The following CRYAB variants were observed in gnomAD, a reference collection of about 807,000 sequenced individuals.
CRYAB encodes the protein crystallin alpha B, also known as alpha-crystallin B chain.
In CRYAB, 9 loss-of-function variants were observed where a neutral mutation model predicts 12.7. The ratio of observed to expected loss-of-function variants is 0.71; its 90% confidence interval spans 0.43 to 1.24. CRYAB has a LOEUF of 1.24. Among genes scored for constraint, CRYAB ranks in the 50% most tolerant of loss-of-function variants. The pLI is 0.00. For missense variants in CRYAB, 183 were observed against 226.6 expected, an observed-to-expected ratio of 0.81 and a Z score of 1.24; for synonymous variants, 93 against 86.8, an observed-to-expected ratio of 1.07 and a Z score of -0.40.
intron 1 of CRYAB, among the ~76,000 whole-genome samples, chr11:111,919,451 A>G (rs1965652990): frequency 6.6e-6 from 1 of 152,038 alleles, no homozygotes; most frequent in Non-Finnish European, 1.5e-5. Flanking sequence ...CCAGCCTGGC[A>G]ACAGAGCGAG....
chr11:111,909,321 G>C, intron 2 of CRYAB: 1 of 451,560 alleles, frequency 2.2e-6, no homozygotes, highest in Non-Finnish European at 4.4e-6. Context: ...CCCTGAAATT[G>C]TCCTGACTCT....
At chr11:111,913,557 G>T, upstream of CRYAB, 1 of 1,614,196 alleles carries the variant, frequency 6.2e-7, no homozygotes, top group South Asian at 1.1e-5. Flanking sequence ...TAGGCTCAGT[G>T]AGGGCAAGTT....
chr11:111,921,194 A>G (rs1965692775), intron 1 of CRYAB, among the ~76,000 whole-genome samples: 2 of 152,238 alleles, frequency 1.3e-5, no homozygotes, highest in South Asian at 2.1e-4. Flanking sequence ...GGAGTAGTAC[A>G]TTGGATTCAA....
upstream of CRYAB, among the ~76,000 whole-genome samples, chr11:111,914,610 C>T (rs1468169367): frequency 2.0e-5 from 3 of 152,324 alleles, no homozygotes; most frequent in East Asian, 3.9e-4. Context: ...CCTTCCCATC[C>T]TCTGGGGGTA....
upstream of CRYAB, among the ~76,000 whole-genome samples, chr11:111,916,271 C>G (rs1247081019): frequency 6.6e-6 from 1 of 151,400 alleles, no homozygotes; most frequent in African/African-American, 2.4e-5. Flanking sequence ...TCTCTGTCAC[C>G]GAGGCTGGGT....
At chr11:111,915,594 A>C (rs1029796328), upstream of CRYAB, among the ~76,000 whole-genome samples, 29 of 152,244 alleles carry the variant, frequency 1.9e-4, no homozygotes, top group African/African-American at 7.0e-4. Context: ...ATTTAAAGGA[A>C]AGGGTTTCCT....
chr11:111,910,573 TA>T, intron 1 of CRYAB, 124 bp from the exon 2 acceptor site: 1 of 1,241,042 alleles, frequency 8.1e-7, no homozygotes. Flanking sequence ...CTTCTCTGCT[TA>T]AAAAATCTCC....
upstream of CRYAB, among the ~76,000 whole-genome samples, chr11:111,915,278 A>G (rs1466969793): frequency 1.3e-5 from 2 of 152,224 alleles, no homozygotes; most frequent in African/African-American, 2.4e-5. Flanking sequence ...GACCTCCAGG[A>G]TAACAGAACT....
At chr11:111,913,858 C>T, upstream of CRYAB, 1 of 1,612,946 alleles carries the variant, frequency 6.2e-7, no homozygotes, top group South Asian at 1.1e-5. Context: ...CCTCCTGATC[C>T]AGAGGAAGAG....
At chr11:111,921,510 T>A (rs1965698630) in intron 1 of CRYAB, among the ~76,000 whole-genome samples, 1 of 152,136 alleles carries the variant, frequency 6.6e-6, no homozygotes, top group Non-Finnish European at 1.5e-5. Flanking sequence ...GTCTGTAAAA[T>A]GGGAACAAAA....
At chr11:111,913,998 A>G (rs1404403625), upstream of CRYAB, 7 of 1,003,406 alleles carry the variant, frequency 7.0e-6, no homozygotes, top group African/African-American at 1.1e-4. Context: ...GGGAAGGGAA[A>G]GGTGCATGGT....
chr11:111,913,396 C>T, upstream of CRYAB: 3 of 1,471,954 alleles, frequency 2.0e-6, no homozygotes, highest in Non-Finnish European at 2.8e-6. Flanking sequence ...CTGTGCCAGC[C>T]TCATCCTCCC....
intron 1 of CRYAB, among the ~76,000 whole-genome samples, chr11:111,919,960 C>T (rs2137398092): frequency 1.3e-5 from 2 of 152,214 alleles, no homozygotes; most frequent in East Asian, 3.9e-4. Flanking sequence ...CTTTGGGAGG[C>T]CGAGGCGGGT....
chr11:111,918,566 G>C, intron 1 of CRYAB: 4 of 548,978 alleles, frequency 7.3e-6, no homozygotes, highest in Non-Finnish European at 1.3e-5. Context: ...GAGTGGTGCT[G>C]AGCAAACTAC....
chr11:111,923,504 G>T (rs1383906104), intron 1 of CRYAB, among the ~76,000 whole-genome samples: 1 of 152,204 alleles, frequency 6.6e-6, no homozygotes, highest in Non-Finnish European at 1.5e-5. Context: ...AGTTGGAAAT[G>T]TACTAGCAAG....
chr11:111,909,086 G>A, intron 2 of CRYAB, 119 bp from the exon 3 acceptor site: 1 of 999,438 alleles, frequency 1.0e-6, no homozygotes, highest in Non-Finnish European at 1.6e-6. Flanking sequence ...GACAACATAG[G>A]AAAAATAAAT....
chr11:111,916,475 G>A (rs587604007), upstream of CRYAB, among the ~76,000 whole-genome samples: 127 of 152,116 alleles, frequency 8.3e-4, no homozygotes, highest in African/African-American at 2.9e-3. Context: ...TGCCCACCTC[G>A]GCCTCCCAAC....
chr11:111,917,196 A>G (rs1418680624), upstream of CRYAB, among the ~76,000 whole-genome samples: 2 of 152,244 alleles, frequency 1.3e-5, no homozygotes, highest in Admixed American at 6.5e-5. Flanking sequence ...TTAAAACATT[A>G]CAGAAGGGGT....
intron 2 of CRYAB, 168 bp downstream of exon 2, chr11:111,910,159 A>G: frequency 2.4e-6 from 2 of 819,002 alleles, no homozygotes; most frequent in Non-Finnish European, 4.1e-6. Context: ...AACAACAGCA[A>G]TATGTCTATC....
Sources: gnomAD v4.1 joint callset for allele counts (sites outside exome capture counted in the v4.1 genomes callset) on GRCh38, gnomAD v4.1.1 for gene constraint, MANE v1.5 for transcripts, NCBI Gene and HGNC (gene_info 2026-07-23, HGNC 2026-07-21) for gene names.